The following SLC24A2 variants were observed in gnomAD, a reference collection of about 807,000 sequenced individuals.
SLC24A2 encodes solute carrier family 24 member 2.
In SLC24A2, 36 loss-of-function variants were observed where a neutral mutation model predicts 62.0. The ratio of observed to expected loss-of-function variants is 0.58; its 90% CI spans 0.44 to 0.77. The LOEUF is 0.77. Among genes scored for constraint, SLC24A2 ranks in the 30% least tolerant of loss-of-function variants. The pLI is 0.00. For synonymous variants in SLC24A2, 358 were observed against 294.0 expected (o/e 1.22, Z -2.23); for missense variants, 846 against 817.9 (o/e 1.03, Z -0.42).
chr9:20,186,015 C>A, the SLC24A2 span, among the ~76,000 whole-genome samples: 1 of 152,004 alleles, frequency 6.6e-6, no homozygotes, highest in Non-Finnish European at 1.5e-5. Context: ...ACCAAGTGGT[C>A]AATTAAAATA....
chr9:20,234,638 T>C, the SLC24A2 span, among the ~76,000 whole-genome samples: 1,549 of 152,318 alleles, frequency 0.01, 27 homozygotes, highest in African/African-American at 0.034. Context: ...CTAATTTGTT[T>C]TCAAAGCTTT....
the SLC24A2 span, among the ~76,000 whole-genome samples, chr9:20,192,563 G>C: frequency 6.6e-6 from 1 of 152,076 alleles, no homozygotes; most frequent in African/African-American, 2.4e-5. Flanking sequence ...GATCCAGATA[G>C]AGCCCTGGAA....
intron 2 of SLC24A2, among the ~76,000 whole-genome samples, chr9:19,705,048 T>A (rs948850261): frequency 5.3e-5 from 8 of 152,174 alleles, no homozygotes; most frequent in Admixed American, 2.0e-4. Flanking sequence ...TACCTTAATC[T>A]TTATTCATTT....
the SLC24A2 span, among the ~76,000 whole-genome samples, chr9:19,956,458 G>T: frequency 6.6e-6 from 1 of 152,180 alleles, no homozygotes; most frequent in African/African-American, 2.4e-5. Flanking sequence ...TTAGGTCATT[G>T]TATTAGTCTG....
intron 8 of SLC24A2, among the ~76,000 whole-genome samples, chr9:19,545,786 C>A (rs1370199726): frequency 6.6e-6 from 1 of 151,950 alleles, no homozygotes; most frequent in Non-Finnish European, 1.5e-5. Flanking sequence ...CTACAGGCAC[C>A]CACCACCACG....
intron 4 of SLC24A2, among the ~76,000 whole-genome samples, chr9:19,613,633 G>C (rs1276370561): frequency 6.6e-6 from 1 of 152,146 alleles, no homozygotes; most frequent in African/African-American, 2.4e-5. Context: ...CTAAGTAGAA[G>C]TGGTAGCAGT....
chr9:19,712,315 A>G (rs146864928), intron 2 of SLC24A2, among the ~76,000 whole-genome samples: 264 of 152,356 alleles, frequency 1.7e-3, no homozygotes, highest in Non-Finnish European at 3.3e-3. Context: ...CGAGAACTCT[A>G]TTCCAGAACT....
chr9:19,779,799 C>A (rs990711705), intron 2 of SLC24A2, among the ~76,000 whole-genome samples: 3 of 152,232 alleles, frequency 2.0e-5, no homozygotes, highest in African/African-American at 7.2e-5. Context: ...GTGGCTCACG[C>A]CTGTAATCCG....
At chr9:20,251,817 A>C in the SLC24A2 span, among the ~76,000 whole-genome samples, 1 of 152,226 alleles carries the variant, frequency 6.6e-6, no homozygotes, top group Non-Finnish European at 1.5e-5. Flanking sequence ...CCCACAACAT[A>C]TCAGTTGTAA....
the SLC24A2 span, among the ~76,000 whole-genome samples, chr9:19,937,562 G>A: frequency 5.9e-5 from 9 of 152,132 alleles, no homozygotes; most frequent in Non-Finnish European, 1.3e-4. Flanking sequence ...TCTCTCAACT[G>A]AGCTATTGAA....
intron 2 of SLC24A2, among the ~76,000 whole-genome samples, chr9:19,660,602 G>C (rs1483371719): frequency 6.6e-6 from 1 of 152,152 alleles, no homozygotes; most frequent in Admixed American, 6.6e-5. Context: ...TACTTCAGAT[G>C]TCTCGTGCTT....
the SLC24A2 span, among the ~76,000 whole-genome samples, chr9:20,236,007 T>C: frequency 2.0e-5 from 3 of 152,194 alleles, no homozygotes; most frequent in South Asian, 2.1e-4. Context: ...AGAAGCTCAA[T>C]TGATGTTTGT....
At chr9:20,236,030 T>C in the SLC24A2 span, among the ~76,000 whole-genome samples, 2 of 152,146 alleles carry the variant, frequency 1.3e-5, no homozygotes, top group African/African-American at 4.8e-5. Context: ...AATGAATAAA[T>C]AATCCAAGAG....
At chr9:19,559,663 G>GC (rs544758450) in intron 7 of SLC24A2, among the ~76,000 whole-genome samples, 21 of 152,046 alleles carry the variant, frequency 1.4e-4, no homozygotes, top group African/African-American at 2.7e-4. Context: ...AATGAAAGGT[G>GC]CCCCCCCAGA....
chr9:20,271,146 T>A, the SLC24A2 span, among the ~76,000 whole-genome samples: 2 of 152,182 alleles, frequency 1.3e-5, no homozygotes, highest in Non-Finnish European at 2.9e-5. Context: ...GAGCCCTTTC[T>A]CCACTCACCC....
At chr9:20,099,457 C>A in the SLC24A2 span, among the ~76,000 whole-genome samples, 1 of 152,114 alleles carries the variant, frequency 6.6e-6, no homozygotes, top group Non-Finnish European at 1.5e-5. Context: ...GTTCACCAGA[C>A]TGATGAAAAT....
chr9:19,776,543 G>A (rs1822852013), intron 2 of SLC24A2, among the ~76,000 whole-genome samples: 1 of 152,164 alleles, frequency 6.6e-6, no homozygotes, highest in Non-Finnish European at 1.5e-5. Flanking sequence ...TTCCTTGTCA[G>A]AAGCCACAAA....
At chr9:20,213,716 A>G in the SLC24A2 span, among the ~76,000 whole-genome samples, 11 of 152,340 alleles carry the variant, frequency 7.2e-5, no homozygotes, top group Admixed American at 3.3e-4. Context: ...AATAGATATT[A>G]CCACAATTTG....
intron 5 of SLC24A2, among the ~76,000 whole-genome samples, chr9:19,592,012 C>T (rs867645783): frequency 6.6e-6 from 1 of 152,190 alleles, no homozygotes; most frequent in Admixed American, 6.5e-5. Flanking sequence ...AAAAACATTG[C>T]TGAATGGTAT....
Sources: allele counts gnomAD v4.1 joint callset (sites outside exome capture counted in the v4.1 genomes callset), GRCh38; gene constraint gnomAD v4.1.1; transcripts MANE v1.5; gene names NCBI Gene and HGNC (gene_info 2026-07-23, HGNC 2026-07-21).